RCOR1: variants seen among roughly 807,000 people sequenced by gnomAD.
RCOR1 encodes the protein REST corepressor.
Under a neutral mutation model 64.0 loss-of-function variants are expected in RCOR1, and 12 were observed. The ratio of observed to expected loss-of-function variants is 0.19; its 90% CI spans 0.12 to 0.30. The LOEUF (loss-of-function observed/expected upper bound fraction) is 0.30, where lower values mean the gene tolerates loss of function less well. RCOR1 is among the 10% of genes least tolerant of loss of function. The probability of loss-of-function intolerance (pLI) is 1.00; values close to 1 mark genes in which losing one functional copy is unlikely to be tolerated. For synonymous variants in RCOR1, 279 were observed against 227.2 expected (o/e 1.23, Z -2.05); for missense variants, 502 against 621.2 (o/e 0.81, Z 2.04).
At chr14:102,612,097 AC>A (rs1893644997) in intron 2 of RCOR1, among the ~76,000 whole-genome samples, 1 of 152,020 alleles carries the variant, frequency 6.6e-6, no homozygotes, top group Non-Finnish European at 1.5e-5. Context: ...TTTTGCCATC[AC>A]ATCTGGCTAA....
chr14:102,707,213 A>G (rs1895875388), intron 4 of RCOR1, 138 bp from the exon 5 acceptor site: 2 of 607,486 alleles, frequency 3.3e-6, no homozygotes, highest in Non-Finnish European at 5.5e-6. Context: ...GGGGCCTCTG[A>G]CAGTGTCTGC....
chr14:102,593,369 GC>G, intron 2 of RCOR1, 44 bp downstream of exon 2: 5 of 1,480,098 alleles, frequency 3.4e-6, no homozygotes, highest in Non-Finnish European at 4.4e-6. Flanking sequence ...ATGAGCGGGA[GC>G]CCCGGGTCCC....
chr14:102,615,156 C>CA (rs202084737), intron 2 of RCOR1, among the ~76,000 whole-genome samples: 17,863 of 110,472 alleles, frequency 0.16, 1,340 homozygotes, highest in Middle Eastern at 0.33. Flanking sequence ...TTTTTTGAGA[C>CA]AGAGTCTTAT....
At chr14:102,641,172 T>G (rs1894361018) in intron 2 of RCOR1, among the ~76,000 whole-genome samples, 1 of 151,960 alleles carries the variant, frequency 6.6e-6, no homozygotes, top group Non-Finnish European at 1.5e-5. Context: ...AGAGAATTGC[T>G]TGAACCCGGA....
At chr14:102,723,104 G>T (rs1896194403) in intron 11 of RCOR1, among the ~76,000 whole-genome samples, 1 of 152,238 alleles carries the variant, frequency 6.6e-6, no homozygotes, top group South Asian at 2.1e-4. Flanking sequence ...AGATGAGCCT[G>T]GGGCTGGGCA....
intron 2 of RCOR1, among the ~76,000 whole-genome samples, chr14:102,640,651 CACTT>C (rs138458225): frequency 0.023 from 3,562 of 152,342 alleles, 129 homozygotes; most frequent in African/African-American, 0.076. Flanking sequence ...GAGGCTATCA[CACTT>C]AACACCTTAT....
chr14:102,677,167 C>T (rs1387541352), intron 2 of RCOR1, among the ~76,000 whole-genome samples: 1 of 142,272 alleles, frequency 7.0e-6, no homozygotes, highest in African/African-American at 2.6e-5. Flanking sequence ...GCTGACCCCC[C>T]CCCACCTCCC....
At position 102,729,822 on chromosome 14, in the gene RCOR1, C is replaced by G. The variant is rs766046551; in HGVS notation, c.*3316C>G. The G allele has an allele frequency of 2.2e-4, 89 of 398,916 alleles. No homozygotes were observed. Among genetic ancestry groups the G allele is most frequent in the South Asian group, 6.4e-4 (5 of 7,858 alleles). 24.7% of individuals were successfully genotyped at this position (398,916 alleles called of 1,614,324 possible). A position where few individuals can be genotyped will look rare whatever the true frequency, so the allele number is the denominator to read the frequency against. ...AACTGGATCCCTGCTTTTATGTGAG[C>G]TAAGGAAAGATGGAGCCAACTCCAA... On this transcript the variant is annotated 3_prime_UTR_variant, in exon 12 of 12. Coordinates refer to ENST00000262241, the MANE Select transcript of RCOR1 (RefSeq NM_015156.4).
intron 8 of RCOR1, 53 bp downstream of exon 8, chr14:102,714,670 T>TA: frequency 7.3e-7 from 1 of 1,375,602 alleles, no homozygotes; most frequent in Non-Finnish European, 9.9e-7. Context: ...ACTTTAGAGG[T>TA]GTTTCTGTTA....
intron 2 of RCOR1, among the ~76,000 whole-genome samples, chr14:102,639,505 A>T (rs1234773778): frequency 1.2e-5 from 1 of 84,708 alleles, no homozygotes; most frequent in Non-Finnish European, 2.6e-5. Flanking sequence ...ATTTTTATTT[A>T]TTTATTTATT....
rs1896326625 is a variant in RCOR1 at position 102,729,349 on chromosome 14, GTGATCCATTC to G, written c.*2846_*2855del. ...ATATTGTGTTGACTGGTCTGCAACA[GTGATCCATTC>G]TGTAATATAGCTCTTTTAACTGGGA... On this transcript the variant is annotated 3_prime_UTR_variant, in exon 12 of 12. Coordinates refer to ENST00000262241, the MANE Select transcript of RCOR1 (RefSeq NM_015156.4). The G allele has an allele frequency of 6.5e-6, 1 of 152,810 alleles. No homozygotes were observed. Among genetic ancestry groups the G allele is most frequent in the South Asian group, 2.1e-4 (1 of 4,840 alleles). 9.5% of individuals were successfully genotyped at this position (152,810 alleles called of 1,614,324 possible). A position where few individuals can be genotyped will look rare whatever the true frequency, so the allele number is the denominator to read the frequency against.
intron 8 of RCOR1, among the ~76,000 whole-genome samples, chr14:102,720,180 T>C (rs1327979053): frequency 6.6e-6 from 1 of 152,240 alleles, no homozygotes; most frequent in Admixed American, 6.5e-5. Flanking sequence ...TGTGTGATTA[T>C]TCAAAGATGA....
At chr14:102,643,506 T>C (rs959516623) in intron 2 of RCOR1, among the ~76,000 whole-genome samples, 4 of 152,190 alleles carry the variant, frequency 2.6e-5, no homozygotes, top group African/African-American at 9.7e-5. Context: ...GTAGTGATGC[T>C]GGAGGAAGCA....
chr14:102,705,336 C>T (rs1393101064), intron 4 of RCOR1, among the ~76,000 whole-genome samples: 1 of 152,148 alleles, frequency 6.6e-6, no homozygotes, highest in Non-Finnish European at 1.5e-5. Context: ...CTTGGCCCTG[C>T]CATGTGGACC....
intron 2 of RCOR1, among the ~76,000 whole-genome samples, chr14:102,602,653 C>T (rs980261857): frequency 2.6e-5 from 4 of 152,108 alleles, no homozygotes; most frequent in Admixed American, 6.6e-5. Flanking sequence ...AGTGATCTCC[C>T]GCATCGGCCT....
At chr14:102,709,152 C>G (rs976402684) in intron 6 of RCOR1, among the ~76,000 whole-genome samples, 8 of 152,202 alleles carry the variant, frequency 5.3e-5, no homozygotes, top group African/African-American at 1.9e-4. Flanking sequence ...GAAATGGGCT[C>G]TGGTCTCAGC....
rs1896347643 is a variant in RCOR1, at chr14:102,730,344, T to G, written c.*3838T>G. On this transcript the variant is annotated 3_prime_UTR_variant, in exon 12 of 12. Transcript: ENST00000262241. ...TAAAGAAAATATGTTGTAATAATGC[T>G]GTTGTAAGTAATATTTTAATGTCTC... 1 of 222,860 alleles carries G rather than the reference T, an allele frequency of 4.5e-6. No homozygotes were observed. The highest frequency in any genetic ancestry group is 8.7e-6 in the Non-Finnish European group (1 of 114,884). The allele number at this position is 222,860 out of a possible 1,614,324, so 13.8% of individuals were successfully genotyped here.
chr14:102,612,958 C>CA (rs34850806), intron 2 of RCOR1, among the ~76,000 whole-genome samples: 8,930 of 63,098 alleles, frequency 0.14, 457 homozygotes, highest in African/African-American at 0.26. Flanking sequence ...TATCTCTTAG[C>CA]AAAAAAAAAA....
At chr14:102,639,712 T>C (rs186429432) in intron 2 of RCOR1, among the ~76,000 whole-genome samples, 1 of 151,824 alleles carries the variant, frequency 6.6e-6, no homozygotes, top group Non-Finnish European at 1.5e-5. Context: ...TTTTGTAGTT[T>C]TGTGGAGATG....
Sources: allele counts gnomAD v4.1 joint callset (sites outside exome capture counted in the v4.1 genomes callset), GRCh38; gene constraint gnomAD v4.1.1; transcripts MANE v1.5; gene names NCBI Gene and HGNC (gene_info 2026-07-23, HGNC 2026-07-21).